Variants in FLRT2 observed in about 807,000 individuals in gnomAD.
FLRT2 encodes fibronectin leucine rich transmembrane protein 2, also known as leucine-rich repeat transmembrane protein FLRT2.
FLRT2 carries 15 observed loss-of-function variants against 40.0 expected under a neutral mutation model. The observed-to-expected ratio is 0.38, with a 90% confidence interval of 0.25 to 0.58. FLRT2 has a LOEUF of 0.58. FLRT2 is among the 20% of genes least tolerant of loss of function. FLRT2 has a pLI of 0.71. For synonymous variants in FLRT2, 380 were observed against 336.8 expected (o/e 1.13, Z -1.41); for missense variants, 726 against 840.0 (o/e 0.86, Z 1.68).
At position 85,631,016 on chromosome 14, in the gene FLRT2, C is replaced by T. The variant is rs1338786518; in HGVS notation, c.*7519C>T. On this transcript the variant is annotated 3_prime_UTR_variant, in exon 2 of 2. Transcript: ENST00000330753. ...CTCTTTGTGTGACTTATGTATCCTA[C>T]TACATGTTGCTCCCTGACATTTCTT... 6 of 150,206 alleles carry T rather than the reference C, an allele frequency of 4.0e-5. No individual in the cohort carries two copies. Among genetic ancestry groups the T allele is most frequent in the Non-Finnish European group, 8.8e-5 (6 of 67,822 alleles). The allele number at this position is 150,206 out of a possible 1,614,324, so 9.3% of individuals were successfully genotyped here. A position where few individuals can be genotyped will look rare whatever the true frequency, so the allele number is the denominator to read the frequency against.
chr14:85,582,313 T>A (rs905704769), intron 1 of FLRT2, among the ~76,000 whole-genome samples: 10 of 152,192 alleles, frequency 6.6e-5, no homozygotes, highest in Admixed American at 5.9e-4. Flanking sequence ...TAGGAACCTC[T>A]GTGAAAGTGA....
At chr14:85,594,342 G>A (rs1566745605) in intron 1 of FLRT2, among the ~76,000 whole-genome samples, 1 of 152,280 alleles carries the variant, frequency 6.6e-6, no homozygotes, top group East Asian at 1.9e-4. Flanking sequence ...TTTGTGTTGT[G>A]TGTGGAATGT....
rs1894485264 is a variant in FLRT2, at chr14:85,653,675, C to A, written c.*30178C>A. ...CCCACACGGAGACTGGAGATGTAGA[C>A]TATTAAGAGCACTCAGCCACAGAGT... On this transcript the variant is annotated 3_prime_UTR_variant, in exon 2 of 2. Transcript: ENST00000330753. 1 of 152,134 alleles carries A rather than the reference C, an allele frequency of 6.6e-6. No homozygotes were observed. The highest frequency in any genetic ancestry group is 1.5e-5 in the Non-Finnish European group (1 of 68,042). 9.4% of individuals were successfully genotyped at this position (152,134 alleles called of 1,614,324 possible).
chr14:85,582,772 T>C (rs1481000221), intron 1 of FLRT2, among the ~76,000 whole-genome samples: 1 of 152,046 alleles, frequency 6.6e-6, no homozygotes, highest in East Asian at 1.9e-4. Context: ...ATCTAGCTGT[T>C]TTTATTATTA....
chr14:85,633,008 C>A lies in FLRT2; in HGVS notation c.*9511C>A, dbSNP rs559716567. 9.2e-5 allele frequency: 14 copies of A among 152,220 alleles called. No individual in the cohort carries two copies. Among genetic ancestry groups the A allele is most frequent in the African/African-American group, 3.4e-4 (14 of 41,490 alleles). The allele number at this position is 152,220 out of a possible 1,614,324, so 9.4% of individuals were successfully genotyped here. A position where few individuals can be genotyped will look rare whatever the true frequency, so the allele number is the denominator to read the frequency against. On this transcript the variant is annotated 3_prime_UTR_variant, in exon 2 of 2. Coordinates refer to ENST00000330753, the MANE Select transcript of FLRT2 (RefSeq NM_013231.6). ...TACTGAGTATACATTGAATAAATGACATGAAGCACCATGTATTTTTCATGC... is the reference window on the plus strand; with the variant it reads ...TACTGAGTATACATTGAATAAATGAAATGAAGCACCATGTATTTTTCATGC...
Position 85,650,126 on chromosome 14 carries a change from ATACT to A in FLRT2, c.*26634_*26637del, listed in dbSNP as rs1427337181. On this transcript the variant is annotated 3_prime_UTR_variant, in exon 2 of 2. Coordinates refer to ENST00000330753, the MANE Select transcript of FLRT2 (RefSeq NM_013231.6). ...CACACTATCCTCTTTGCTTTGTCAA[ATACT>A]TACTACGTTCATATGTATTGATGTA... 1 of 152,054 alleles carries A rather than the reference ATACT, an allele frequency of 6.6e-6. No individual in the cohort carries two copies. The highest frequency in any genetic ancestry group is 1.9e-4 in the East Asian group (1 of 5,196). 9.4% of individuals were successfully genotyped at this position (152,054 alleles called of 1,614,324 possible).
At position 85,638,835 on chromosome 14, in the gene FLRT2, T is replaced by C. The variant is rs963589459; in HGVS notation, c.*15338T>C. ...CAAACCTATTTTGATCAACCAGTAC[T>C]GAACTTTTCCCCTTCTCTTATGATT... On this transcript the variant is annotated 3_prime_UTR_variant, in exon 2 of 2. Coordinates refer to ENST00000330753, the MANE Select transcript of FLRT2 (RefSeq NM_013231.6). 5 of 152,236 alleles carry C rather than the reference T, an allele frequency of 3.3e-5. No homozygotes were observed. Among genetic ancestry groups the C allele is most frequent in the African/African-American group, 1.2e-4 (5 of 41,466 alleles). 9.4% of individuals were successfully genotyped at this position (152,236 alleles called of 1,614,324 possible). A position where few individuals can be genotyped will look rare whatever the true frequency, so the allele number is the denominator to read the frequency against.
chr14:85,623,589 A>C lies in FLRT2; in HGVS notation c.*92A>C. 3 of 1,040,040 alleles carry C rather than the reference A, an allele frequency of 2.9e-6. No individual in the cohort carries two copies. Among genetic ancestry groups the C allele is most frequent in the East Asian group, 2.8e-5 (1 of 36,306 alleles). 64.4% of individuals were successfully genotyped at this position (1,040,040 alleles called of 1,614,324 possible). A position where few individuals can be genotyped will look rare whatever the true frequency, so the allele number is the denominator to read the frequency against. ...TAAAGACACGCAGATTACATTTGAT[A>C]AATGTTACACAGATGCATTTGTGCA... On this transcript the variant is annotated 3_prime_UTR_variant, in exon 2 of 2. Transcript: ENST00000330753.
chr14:85,565,239 C>T lies in FLRT2; in HGVS notation c.-377+34705C>T, dbSNP rs554147111. Among the ~76,000 whole-genome samples the T allele has an allele frequency of 2.0e-5, 3 of 151,976 alleles. No individual in the cohort carries two copies. In the East Asian group the frequency reaches 5.9e-4, roughly 30 times the overall value. ...AAATAGCATATGCAGCCTGGAGTGT[C>T]ATATATTGTTTTTGCATAGGAGTGA... On this transcript the variant is annotated intron_variant, in intron 1 of 1. Coordinates refer to ENST00000330753, the MANE Select transcript of FLRT2 (RefSeq NM_013231.6).
At chr14:85,569,252 G>A (rs914401279) in intron 1 of FLRT2, among the ~76,000 whole-genome samples, 1 of 152,206 alleles carries the variant, frequency 6.6e-6, no homozygotes, top group Non-Finnish European at 1.5e-5. Flanking sequence ...GCCATCCGCC[G>A]ACACCCTTGG....
rs1201144919 is a variant in FLRT2, at chr14:85,637,033, G to A, written c.*13536G>A. The A allele has an allele frequency of 6.6e-6, 1 of 151,824 alleles. No individual in the cohort carries two copies. The highest frequency in any genetic ancestry group is 1.5e-5 in the Non-Finnish European group (1 of 67,966). The allele number at this position is 151,824 out of a possible 1,614,324, so 9.4% of individuals were successfully genotyped here. On this transcript the variant is annotated 3_prime_UTR_variant, in exon 2 of 2. Transcript: ENST00000330753. ...ATTTTACAAAACAATAATCTAAGTGGGCAAGTAAATACTGGTGTGACATAC... is the reference window on the plus strand; with the variant it reads ...ATTTTACAAAACAATAATCTAAGTGAGCAAGTAAATACTGGTGTGACATAC...
rs1399262604 is a variant in FLRT2 at position 85,644,259 on chromosome 14, A to G, written c.*20762A>G. 6.6e-6 allele frequency: 1 copy of G among 152,214 alleles called. No individual in the cohort carries two copies. The allele number at this position is 152,214 out of a possible 1,614,324, so 9.4% of individuals were successfully genotyped here. A position where few individuals can be genotyped will look rare whatever the true frequency, so the allele number is the denominator to read the frequency against. ...TGTGGAAGATATGGTCTCTACTTAAACAAATTCAACTGAGCTATGGCATCT... is the reference window on the plus strand; with the variant it reads ...TGTGGAAGATATGGTCTCTACTTAAGCAAATTCAACTGAGCTATGGCATCT... On this transcript the variant is annotated 3_prime_UTR_variant, in exon 2 of 2. Coordinates refer to ENST00000330753, the MANE Select transcript of FLRT2 (RefSeq NM_013231.6).
intron 1 of FLRT2, among the ~76,000 whole-genome samples, chr14:85,544,048 C>T (rs1477467577): frequency 6.6e-6 from 1 of 152,170 alleles, no homozygotes; most frequent in African/African-American, 2.4e-5. Context: ...TAGCACTGAC[C>T]AGACCTGGAA....
intron 1 of FLRT2, among the ~76,000 whole-genome samples, chr14:85,535,651 C>T (rs1888601760): frequency 6.6e-6 from 1 of 152,050 alleles, no homozygotes; most frequent in Admixed American, 6.6e-5. Flanking sequence ...TCCTCCCCTC[C>T]TTGAAAGCCC....
intron 1 of FLRT2, among the ~76,000 whole-genome samples, chr14:85,615,573 G>A (rs555224828): frequency 4.0e-5 from 6 of 151,748 alleles, no homozygotes; most frequent in South Asian, 2.1e-4. Context: ...ATCAACTTCC[G>A]GGGGCTTGGT....
At chr14:85,535,918 T>G (rs1174799285) in intron 1 of FLRT2, among the ~76,000 whole-genome samples, 4 of 61,686 alleles carry the variant, frequency 6.5e-5, no homozygotes, top group African/African-American at 9.5e-5. Flanking sequence ...TTTTTTTTTT[T>G]TTTGTTGTTG....
rs1397561924 is a variant in FLRT2, at chr14:85,631,624, C to A, written c.*8127C>A. On this transcript the variant is annotated 3_prime_UTR_variant, in exon 2 of 2. Transcript: ENST00000330753. ...AGCCTTGCTCAAAGACCACAGTATG[C>A]GTTTTACAAGAACAAACAAACATAT... 1 of 152,068 alleles carries A rather than the reference C, an allele frequency of 6.6e-6. No homozygotes were observed. The highest frequency in any genetic ancestry group is 1.5e-5 in the Non-Finnish European group (1 of 68,022). The allele number at this position is 152,068 out of a possible 1,614,324, so 9.4% of individuals were successfully genotyped here. A position where few individuals can be genotyped will look rare whatever the true frequency, so the allele number is the denominator to read the frequency against.
rs562367723 is a variant in FLRT2 at position 85,628,522 on chromosome 14, T to A, written c.*5025T>A. On this transcript the variant is annotated 3_prime_UTR_variant, in exon 2 of 2. Coordinates refer to ENST00000330753, the MANE Select transcript of FLRT2 (RefSeq NM_013231.6). ...GCAGAATTTATAGCACATCTGTCCA[T>A]CCTTTCAATAGGCACTCAAGGAAAT... 12 of 152,314 alleles carry A rather than the reference T, an allele frequency of 7.9e-5. No individual in the cohort carries two copies. In the South Asian group the frequency reaches 2.5e-3, roughly 32 times the overall value. The allele number at this position is 152,314 out of a possible 1,614,324, so 9.4% of individuals were successfully genotyped here. A position where few individuals can be genotyped will look rare whatever the true frequency, so the allele number is the denominator to read the frequency against.
At chr14:85,610,944 G>A (rs1892829777) in intron 1 of FLRT2, among the ~76,000 whole-genome samples, 1 of 152,116 alleles carries the variant, frequency 6.6e-6, no homozygotes, top group Non-Finnish European at 1.5e-5. Context: ...TGCCCAGGCT[G>A]GAGTGCAGTG....
Sources: allele counts gnomAD v4.1 joint callset (sites outside exome capture counted in the v4.1 genomes callset), GRCh38; gene constraint gnomAD v4.1.1; transcripts MANE v1.5; gene names NCBI Gene and HGNC (gene_info 2026-07-23, HGNC 2026-07-21).